The following FCHSD2 variants were observed in gnomAD, a reference collection of about 807,000 sequenced individuals.
FCHSD2 encodes the protein F-BAR and double SH3 domains protein 2.
FCHSD2 carries 38 observed loss-of-function variants against 108.1 expected under a neutral mutation model. The observed-to-expected ratio is 0.35, with a 90% CI of 0.27 to 0.46. The LOEUF (loss-of-function observed/expected upper bound fraction) is 0.46. FCHSD2 is among the 20% of genes least tolerant of loss of function. The probability of loss-of-function intolerance (pLI) is 1.00; values close to 1 mark genes in which losing one functional copy is unlikely to be tolerated. For missense variants in FCHSD2, 751 were observed against 897.8 expected, an observed-to-expected ratio of 0.84 and a Z score of 2.09; for synonymous variants, 279 against 314.7, an observed-to-expected ratio of 0.89 and a Z score of 1.20.
chr11:72,944,290 G>A (rs997653699), intron 8 of FCHSD2, among the ~76,000 whole-genome samples: 5 of 152,050 alleles, frequency 3.3e-5, no homozygotes, highest in Non-Finnish European at 5.9e-5. Context: ...CAGAACCAAC[G>A]ACAAAAACCA....
intron 13 of FCHSD2, among the ~76,000 whole-genome samples, chr11:72,861,706 G>A (rs933743642): frequency 5.9e-5 from 9 of 152,090 alleles, no homozygotes; most frequent in Non-Finnish European, 1.3e-4. Context: ...GAGGCGGGTG[G>A]AGCAACTGAG....
intron 12 of FCHSD2, among the ~76,000 whole-genome samples, chr11:72,876,771 T>G (rs781109017): frequency 1.1e-4 from 16 of 152,312 alleles, no homozygotes; most frequent in Middle Eastern, 3.4e-3. Flanking sequence ...TCCTAAAGAC[T>G]CCTACTACAA....
chr11:72,916,355 G>A (rs2135302760), intron 9 of FCHSD2, among the ~76,000 whole-genome samples: 1 of 146,526 alleles, frequency 6.8e-6, no homozygotes, highest in Non-Finnish European at 1.5e-5. Flanking sequence ...TGTCACCCAG[G>A]CTACAGTACA....
intron 9 of FCHSD2, among the ~76,000 whole-genome samples, chr11:72,917,472 C>T (rs1855897125): frequency 6.6e-6 from 1 of 152,330 alleles, no homozygotes; most frequent in African/African-American, 2.4e-5. Flanking sequence ...CCATACCACG[C>T]TATCTTTACT....
chr11:72,958,993 A>ATGTG (rs59339008), intron 8 of FCHSD2, among the ~76,000 whole-genome samples: 15,460 of 114,548 alleles, frequency 0.13, 854 homozygotes, highest in African/African-American at 0.15. Flanking sequence ...TCAGTAAGAT[A>ATGTG]TGTGTGTGTG....
At chr11:72,857,435 CTTTTTTT>C (rs56061370) in intron 13 of FCHSD2, among the ~76,000 whole-genome samples, 1 of 82,286 alleles carries the variant, frequency 1.2e-5, no homozygotes. Flanking sequence ...ATGCTTACTC[CTTTTTTT>C]TTTTTTTTTT....
At chr11:73,072,234 G>A (rs576379602) in intron 3 of FCHSD2, among the ~76,000 whole-genome samples, 1 of 151,474 alleles carries the variant, frequency 6.6e-6, no homozygotes, top group Non-Finnish European at 1.5e-5. Flanking sequence ...CAGAAGGTTT[G>A]GGGAGGAAAA....
At chr11:73,067,155 T>C (rs1358227661) in intron 3 of FCHSD2, among the ~76,000 whole-genome samples, 3 of 151,950 alleles carry the variant, frequency 2.0e-5, no homozygotes, top group Non-Finnish European at 4.4e-5. Flanking sequence ...CATGCAGCCA[T>C]AAAAAAGGAT....
At chr11:72,899,735 TAA>T (rs10674308) in intron 10 of FCHSD2, among the ~76,000 whole-genome samples, 1 of 72,736 alleles carries the variant, frequency 1.4e-5, no homozygotes, top group Non-Finnish European at 2.4e-5. Flanking sequence ...GACCCTATCT[TAA>T]AAAAAAAAAA....
chr11:72,869,776 C>G (rs1038141046), intron 12 of FCHSD2: 1 of 152,124 alleles, frequency 6.6e-6, no homozygotes, highest in Non-Finnish European at 1.5e-5. Flanking sequence ...TCAGAACACC[C>G]TGAAATCCAG....
intron 8 of FCHSD2, among the ~76,000 whole-genome samples, chr11:72,934,050 A>C (rs1591411664): frequency 7.6e-6 from 1 of 131,236 alleles, no homozygotes; most frequent in Non-Finnish European, 1.6e-5. Flanking sequence ...TTGAGGCTGC[A>C]GTGAGCCATG....
chr11:73,072,009 C>T (rs974181038), intron 3 of FCHSD2, among the ~76,000 whole-genome samples: 2 of 151,886 alleles, frequency 1.3e-5, no homozygotes, highest in Admixed American at 6.6e-5. Flanking sequence ...TTTTGATCAG[C>T]GGTCAGGGCA....
intron 10 of FCHSD2, among the ~76,000 whole-genome samples, chr11:72,898,845 TC>T (rs1855472035): frequency 6.6e-6 from 1 of 152,014 alleles, no homozygotes; most frequent in African/African-American, 2.4e-5. Flanking sequence ...TCCTCCCACT[TC>T]AGCTTCCTGA....
intron 5 of FCHSD2, among the ~76,000 whole-genome samples, chr11:72,989,545 G>A (rs1006767252): frequency 5.3e-5 from 8 of 152,204 alleles, no homozygotes; most frequent in Non-Finnish European, 7.4e-5. Context: ...ACAAGAGGGA[G>A]TGAAATCTGA....
chr11:73,119,414 G>A (rs1187394804), intron 2 of FCHSD2, among the ~76,000 whole-genome samples: 1 of 151,960 alleles, frequency 6.6e-6, no homozygotes, highest in Non-Finnish European at 1.5e-5. Context: ...ATTTTTATGT[G>A]CTTAATATAT....
At chr11:73,119,929 G>T (rs1219734896) in intron 2 of FCHSD2, among the ~76,000 whole-genome samples, 1 of 152,200 alleles carries the variant, frequency 6.6e-6, no homozygotes, top group Non-Finnish European at 1.5e-5. Context: ...ACAAAAGAAA[G>T]AAGTTTAATT....
intron 8 of FCHSD2, among the ~76,000 whole-genome samples, chr11:72,931,271 GTT>G (rs143086970): frequency 7.9e-6 from 1 of 126,528 alleles, no homozygotes; most frequent in African/African-American, 2.9e-5. Flanking sequence ...ATTTTTGTGG[GTT>G]TTTTTTTTTT....
At chr11:72,899,515 T>C (rs771864467) in intron 10 of FCHSD2, among the ~76,000 whole-genome samples, 21 of 152,046 alleles carry the variant, frequency 1.4e-4, no homozygotes, top group Non-Finnish European at 2.6e-4. Flanking sequence ...GGAGGATCTT[T>C]TGAGCCCAGG....
intron 3 of FCHSD2, among the ~76,000 whole-genome samples, chr11:73,021,063 A>G (rs1858091054): frequency 6.6e-6 from 1 of 151,992 alleles, no homozygotes; most frequent in African/African-American, 2.4e-5. Context: ...TTTTTTGTAG[A>G]GATGGGGTCT....
Sources: gnomAD v4.1 joint callset for allele counts (sites outside exome capture counted in the v4.1 genomes callset) on GRCh38, gnomAD v4.1.1 for gene constraint, MANE v1.5 for transcripts, NCBI Gene and HGNC (gene_info 2026-07-23, HGNC 2026-07-21) for gene names.